The following EPHA4 variants were observed in gnomAD, a reference collection of about 807,000 sequenced individuals.
EPHA4 encodes the protein EPH receptor A4.
Under a neutral mutation model 108.3 loss-of-function variants are expected in EPHA4, and 19 were observed. The ratio of observed to expected loss-of-function variants is 0.18; its 90% CI spans 0.12 to 0.26. EPHA4 has a LOEUF of 0.26. Among genes scored for constraint, EPHA4 ranks in the 10% least tolerant of loss-of-function variants. The probability of loss-of-function intolerance (pLI) is 1.00; values close to 1 mark genes in which losing one functional copy is unlikely to be tolerated. For synonymous variants in EPHA4, 449 were observed against 455.5 expected (o/e 0.99, Z 0.18); for missense variants, 917 against 1,254.0 (o/e 0.73, Z 4.06).
Position 221,564,182 on chromosome 2 carries a change from C to A in EPHA4, c.372G>T (p.Leu124=), listed in dbSNP as rs1248074011. 1 of 1,614,128 alleles carries A rather than the reference C, an allele frequency of 6.2e-7. No homozygotes were observed. Residue 124 remains leucine, a synonymous_variant, in exon 3 of 18, where the codon CTG becomes CTT. Transcript: ENST00000281821. ...VMGTCKETFN[L]YYYESDNDKE... is the part of the protein sequence containing the mutation. Reference sequence around the variant, plus strand: ...TGTCGTTGTCTGATTCATAGTAGTACAGGTTAAACGTCTCCTTGCAAGTCC... The same window carrying A: ...TGTCGTTGTCTGATTCATAGTAGTAAAGGTTAAACGTCTCCTTGCAAGTCC...
At chr2:221,570,315 TC>T (rs71050344) in intron 1 of EPHA4, among the ~76,000 whole-genome samples, 44,029 of 147,122 alleles carry the variant, frequency 0.3, 7,022 homozygotes, top group African/African-American at 0.42. Flanking sequence ...CAAGTTTTTC[TC>T]CCCCCCCCCC....
chr2:221,484,241 C>T (rs1691914209), intron 4 of EPHA4, among the ~76,000 whole-genome samples: 2 of 152,062 alleles, frequency 1.3e-5, no homozygotes, highest in Admixed American at 1.3e-4. Context: ...AATAAGAAAT[C>T]ATATTCAATA....
chr2:221,442,957 C>T lies in EPHA4; in HGVS notation c.1946G>A (p.Cys649Tyr), dbSNP rs1187109573. Residue 649 changes from cysteine to tyrosine, a missense_variant, in exon 11 of 18, where the codon TGT becomes TAT. Transcript: ENST00000281821. ...AGCTTTCAGAGTCTTGATAGCCACA[C>T]AGATCTCTCTCTTGCCAGGCACTTT... ...RLKVPGKREI[C>Y]VAIKTLKAGY... The T allele has an allele frequency of 9.9e-6, 16 of 1,614,066 alleles. No individual in the cohort carries two copies. Among genetic ancestry groups the T allele is most frequent in the Non-Finnish European group, 1.4e-5 (16 of 1,180,034 alleles).
chr2:221,519,752 A>AG (rs1276818984), intron 3 of EPHA4, among the ~76,000 whole-genome samples: 2 of 152,220 alleles, frequency 1.3e-5, no homozygotes, highest in Non-Finnish European at 2.9e-5. Context: ...TCCCCTAGCA[A>AG]GGGAGCTACT....
rs551396000 is a variant in EPHA4, at chr2:221,420,800, T to C, written c.*820-248A>G. Among the ~76,000 whole-genome samples the C allele has an allele frequency of 1.4e-3, 206 of 152,260 alleles. 1 individual carries two copies. Among genetic ancestry groups the C allele is most frequent in the African/African-American group, 4.7e-3 (194 of 41,556 alleles). On this transcript the variant is annotated intron_variant, in intron 17 of 17. Transcript: ENST00000281821. ...ATAGGTACTATTCTTATCTCCATTATATGGATGAGGAAATTGAGCATAAGG... is the reference window on the plus strand; with the variant it reads ...ATAGGTACTATTCTTATCTCCATTACATGGATGAGGAAATTGAGCATAAGG...
chr2:221,568,701 A>T lies in EPHA4; in HGVS notation c.159+17T>A. The T allele has an allele frequency of 1.9e-6, 3 of 1,608,340 alleles. No individual in the cohort carries two copies. The highest frequency in any genetic ancestry group is 2.5e-6 in the Non-Finnish European group (3 of 1,176,612). ...TCCTTTTTTACCCTTTGGATCAGAG[A>T]GCAACTCAGGACTTACCCCTCCTTC... is the stretch of plus-strand genomic sequence containing the variant. On this transcript the variant is annotated intron_variant, in intron 2 of 17. Coordinates refer to ENST00000281821, the MANE Select transcript of EPHA4 (RefSeq NM_004438.5).
intron 3 of EPHA4, among the ~76,000 whole-genome samples, chr2:221,506,512 A>G (rs924391108): frequency 2.0e-5 from 3 of 152,234 alleles, no homozygotes; most frequent in African/African-American, 7.2e-5. Flanking sequence ...AACACAGACA[A>G]TATGGCTTAA....
At chr2:221,520,185 T>TA (rs1028893103) in intron 3 of EPHA4, among the ~76,000 whole-genome samples, 16 of 152,128 alleles carry the variant, frequency 1.1e-4, no homozygotes, top group South Asian at 2.1e-4. Context: ...AAGCCTCTCA[T>TA]AGCCAGCCCC....
chr2:221,481,724 CACAAAGAT>C (rs1691825743), intron 5 of EPHA4, among the ~76,000 whole-genome samples: 1 of 152,220 alleles, frequency 6.6e-6, no homozygotes, highest in Admixed American at 6.5e-5. Flanking sequence ...TAACTATAGA[CACAAAGAT>C]GTACATGGAG....
chr2:221,534,525 C>G (rs1036207366), intron 3 of EPHA4, among the ~76,000 whole-genome samples: 2 of 152,192 alleles, frequency 1.3e-5, no homozygotes, highest in African/African-American at 2.4e-5. Flanking sequence ...TGGCCTTCTT[C>G]CCTGGCCTGG....
At chr2:221,456,493 G>T in intron 7 of EPHA4, 120 bp downstream of exon 7, 2 of 937,824 alleles carry the variant, frequency 2.1e-6, no homozygotes, top group South Asian at 2.0e-5. Context: ...CATATTCATT[G>T]CAGCAAAATG....
At chr2:221,470,262 T>C (rs1011344511) in intron 5 of EPHA4, among the ~76,000 whole-genome samples, 1 of 148,788 alleles carries the variant, frequency 6.7e-6, no homozygotes, top group Non-Finnish European at 1.5e-5. Context: ...GTCTAAGGAC[T>C]GAGAAGTGAT....
chr2:221,457,016 T>C (rs1443578377), intron 6 of EPHA4, among the ~76,000 whole-genome samples: 1 of 152,194 alleles, frequency 6.6e-6, no homozygotes, highest in Non-Finnish European at 1.5e-5. Context: ...AGATCTTTCC[T>C]CCTACTCTTT....
chr2:221,550,662 C>T (rs1414457376), intron 3 of EPHA4, among the ~76,000 whole-genome samples: 1 of 152,064 alleles, frequency 6.6e-6, no homozygotes, highest in Non-Finnish European at 1.5e-5. Context: ...ACTAACTAGC[C>T]CATAGTCACA....
chr2:221,560,865 T>C (rs2106206613), intron 3 of EPHA4, among the ~76,000 whole-genome samples: 1 of 152,342 alleles, frequency 6.6e-6, no homozygotes, highest in Non-Finnish European at 1.5e-5. Context: ...TGGGTGCTAC[T>C]CTTGATGCCT....
intron 3 of EPHA4, among the ~76,000 whole-genome samples, chr2:221,527,255 C>A (rs778957157): frequency 2.6e-5 from 4 of 152,124 alleles, no homozygotes; most frequent in East Asian, 1.9e-4. Flanking sequence ...TATTAATAAC[C>A]CTGTTCGGCT....
intron 17 of EPHA4, among the ~76,000 whole-genome samples, chr2:221,421,227 G>A (rs912395461): frequency 6.6e-6 from 1 of 151,962 alleles, no homozygotes; most frequent in Non-Finnish European, 1.5e-5. Flanking sequence ...GTGAACCTGG[G>A]AGGCGGAGCT....
At chr2:221,440,932 G>A (rs1275362682) in intron 11 of EPHA4, among the ~76,000 whole-genome samples, 2 of 151,932 alleles carry the variant, frequency 1.3e-5, no homozygotes, top group Admixed American at 1.3e-4. Flanking sequence ...CAGCAGCATT[G>A]GCTTCACCTG....
chr2:221,558,669 G>A (rs10498118), intron 3 of EPHA4, among the ~76,000 whole-genome samples: 46,329 of 151,788 alleles, frequency 0.31, 7,370 homozygotes, highest in East Asian at 0.51. Flanking sequence ...TCCCTGAGAT[G>A]ATTTCTATGC....
Sources: gnomAD v4.1 joint callset for allele counts (sites outside exome capture counted in the v4.1 genomes callset) on GRCh38, gnomAD v4.1.1 for gene constraint, MANE v1.5 for transcripts, NCBI Gene and HGNC (gene_info 2026-07-23, HGNC 2026-07-21) for gene names.